DLG1: variants seen among roughly 807,000 people sequenced by gnomAD.
The protein encoded by DLG1 is disks large homolog 1.
In DLG1, 42 loss-of-function variants were observed where a neutral mutation model predicts 123.4. The ratio of observed to expected loss-of-function variants is 0.34; its 90% confidence interval spans 0.27 to 0.44. The LOEUF (loss-of-function observed/expected upper bound fraction) is 0.44. DLG1 is among the 20% of genes least tolerant of loss of function. The pLI is 1.00. For missense variants in DLG1, 942 were observed against 1,082.6 expected, an observed-to-expected ratio of 0.87 and a Z score of 1.82; for synonymous variants, 317 against 356.2, an observed-to-expected ratio of 0.89 and a Z score of 1.24.
At chr3:197,210,804 G>A (rs2150397949) in intron 4 of DLG1, among the ~76,000 whole-genome samples, 1 of 144,766 alleles carries the variant, frequency 6.9e-6, no homozygotes, top group East Asian at 2.0e-4. Flanking sequence ...TAAATAGAGT[G>A]AACATCTCCC....
intron 7 of DLG1, 137 bp downstream of exon 7, chr3:197,142,581 C>A: frequency 5.8e-6 from 3 of 515,976 alleles, no homozygotes; most frequent in South Asian, 6.0e-5. Context: ...TTGAAAATAC[C>A]TTGGCCAATT....
intron 6 of DLG1, among the ~76,000 whole-genome samples, chr3:197,145,098 C>A (rs1254383574): frequency 6.6e-6 from 1 of 152,000 alleles, no homozygotes; most frequent in African/African-American, 2.4e-5. Flanking sequence ...CTCTTTATCT[C>A]AGTTTAGGAG....
chr3:197,158,668 A>C (rs1257397337), intron 5 of DLG1, among the ~76,000 whole-genome samples: 1 of 91,914 alleles, frequency 1.1e-5, no homozygotes, highest in Non-Finnish European at 2.4e-5. Flanking sequence ...GCCCAGAGGC[A>C]GTATGATGCT....
chr3:197,225,653 C>T (rs1739490873), intron 4 of DLG1, among the ~76,000 whole-genome samples: 1 of 152,194 alleles, frequency 6.6e-6, no homozygotes, highest in Non-Finnish European at 1.5e-5. Flanking sequence ...ATTTTACATG[C>T]AGCTTTCATA....
chr3:197,141,073 G>A lies in DLG1; in HGVS notation c.589-809C>T, dbSNP rs574197795. 2.3e-4 allele frequency among the ~76,000 whole-genome samples: 35 copies of A among 152,274 alleles called. 1 individual carries two copies. The East Asian group carries it at 3.9e-3, about 17-fold the overall frequency. ...AAAAAATGTTTATTTCTTGAAGAAT[G>A]TTCTAACTGAATTTCAGGCAACTCA... On this transcript the variant is annotated intron_variant, in intron 7 of 24. Coordinates refer to ENST00000667157, the MANE Select transcript of DLG1 (RefSeq NM_001366207.1).
chr3:197,247,156 GA>G (rs1250428132), intron 4 of DLG1, among the ~76,000 whole-genome samples: 1 of 152,230 alleles, frequency 6.6e-6, no homozygotes, highest in Non-Finnish European at 1.5e-5. Flanking sequence ...TCCCTTAAGG[GA>G]AAGAGAGTTG....
At position 197,130,644 on chromosome 3, in the gene DLG1, T is replaced by C; in HGVS notation, c.1048A>G (p.Thr350Ala). ...AVNNVCLEEVTHEEAVTALKN... is the reference protein window; with the variant it reads ...AVNNVCLEEVAHEEAVTALKN... Reference sequence around the variant, plus strand: ...AAGGCAGTTACTGCTTCTTCATGAGTAACTTCTTCTAAACATACGTTATTC... The same window carrying C: ...AAGGCAGTTACTGCTTCTTCATGAGCAACTTCTTCTAAACATACGTTATTC... Residue 350 changes from threonine to alanine, a missense_variant, in exon 11 of 25, where the codon ACT becomes GCT. By Grantham distance (58) the Thr-to-Ala change is moderately conservative. Coordinates refer to ENST00000667157, the MANE Select transcript of DLG1 (RefSeq NM_001366207.1). 1.2e-6 allele frequency: 2 copies of C among 1,607,780 alleles called. No homozygotes were observed. Among genetic ancestry groups the C allele is most frequent in the Non-Finnish European group, 1.7e-6 (2 of 1,178,298 alleles).
chr3:197,216,211 A>C (rs779388848), intron 4 of DLG1, among the ~76,000 whole-genome samples: 9 of 152,214 alleles, frequency 5.9e-5, no homozygotes, highest in African/African-American at 9.6e-5. Flanking sequence ...AATCATCACT[A>C]TTCCATCATC....
At chr3:197,189,749 C>G (rs1256296005) in intron 5 of DLG1, among the ~76,000 whole-genome samples, 2 of 152,192 alleles carry the variant, frequency 1.3e-5, no homozygotes, top group African/African-American at 4.8e-5. Flanking sequence ...TCATAATATC[C>G]TAAGACTCAG....
chr3:197,236,010 C>T (rs1745784419), intron 4 of DLG1, among the ~76,000 whole-genome samples: 1 of 151,918 alleles, frequency 6.6e-6, no homozygotes, highest in Non-Finnish European at 1.5e-5. Flanking sequence ...TTCATCAAAA[C>T]TATCATTCAA....
intron 5 of DLG1, among the ~76,000 whole-genome samples, chr3:197,191,629 A>C (rs1719619216): frequency 6.6e-6 from 1 of 152,186 alleles, no homozygotes; most frequent in African/African-American, 2.4e-5. Context: ...CAAAAATAAT[A>C]AATAAATTAG....
intron 13 of DLG1, among the ~76,000 whole-genome samples, chr3:197,111,295 A>T (rs1769861441): frequency 6.6e-6 from 1 of 152,164 alleles, no homozygotes; most frequent in Non-Finnish European, 1.5e-5. Flanking sequence ...TGGGTGAACT[A>T]GGTTGAGTTG....
chr3:197,262,452 A>T (rs1000343034), intron 4 of DLG1, among the ~76,000 whole-genome samples: 2 of 152,314 alleles, frequency 1.3e-5, no homozygotes, highest in South Asian at 4.1e-4. Context: ...CTTTTATAAT[A>T]AACTAGTAAA....
intron 8 of DLG1, among the ~76,000 whole-genome samples, 194 bp from the exon 9 acceptor site, chr3:197,138,585 C>T (rs1786279480): frequency 6.6e-6 from 1 of 151,484 alleles, no homozygotes. Flanking sequence ...TTCCCAAGGG[C>T]CAGCAAAAGG....
intron 4 of DLG1, among the ~76,000 whole-genome samples, chr3:197,280,313 T>C (rs1768612389): frequency 6.6e-6 from 1 of 150,940 alleles, no homozygotes; most frequent in Non-Finnish European, 1.5e-5. Context: ...TTTCATTCTT[T>C]TTATGGCTGA....
chr3:197,268,213 G>A (rs1242688529), intron 4 of DLG1, among the ~76,000 whole-genome samples: 1 of 152,150 alleles, frequency 6.6e-6, no homozygotes, highest in Non-Finnish European at 1.5e-5. Context: ...TAAATGATGA[G>A]TTACTGAAAA....
At chr3:197,057,498 A>G (rs1376404508) in intron 23 of DLG1, among the ~76,000 whole-genome samples, 2 of 152,244 alleles carry the variant, frequency 1.3e-5, no homozygotes, top group Non-Finnish European at 2.9e-5. Flanking sequence ...TAACTCGTGC[A>G]TGTTCAGCTT....
chr3:197,131,922 T>G (rs1175843061), intron 10 of DLG1, among the ~76,000 whole-genome samples: 1 of 152,164 alleles, frequency 6.6e-6, no homozygotes, highest in Non-Finnish European at 1.5e-5. Context: ...TGATTTTCTT[T>G]TTCTTTTTCT....
intron 13 of DLG1, among the ~76,000 whole-genome samples, chr3:197,113,413 T>A (rs892181291): frequency 1.3e-5 from 2 of 152,238 alleles, no homozygotes; most frequent in Admixed American, 6.5e-5. Flanking sequence ...TTAGTTCTGA[T>A]AATTTATACT....
Sources: allele counts gnomAD v4.1 joint callset (sites outside exome capture counted in the v4.1 genomes callset), GRCh38; gene constraint gnomAD v4.1.1; transcripts MANE v1.5; gene names NCBI Gene and HGNC (gene_info 2026-07-23, HGNC 2026-07-21).